Variants in HCN1 observed in about 807,000 individuals in gnomAD.
The protein encoded by HCN1 is potassium/sodium hyperpolarization-activated cyclic nucleotide-gated channel 1.
In HCN1, 13 loss-of-function variants were observed where a neutral mutation model predicts 78.9. That is an observed-to-expected ratio of 0.16 (90% confidence interval 0.11 to 0.26). HCN1 has a LOEUF of 0.26. Ranked by LOEUF, HCN1 falls within the 10% of genes least tolerant of loss-of-function variation. The probability of loss-of-function intolerance (pLI) is 1.00; values close to 1 mark genes in which losing one functional copy is unlikely to be tolerated. For synonymous variants in HCN1, 552 were observed against 455.5 expected (o/e 1.21, Z -2.70); for missense variants, 810 against 1,154.3 (o/e 0.70, Z 4.32).
At chr5:45,414,072 A>G (rs1199543267) in intron 3 of HCN1, among the ~76,000 whole-genome samples, 2 of 151,962 alleles carry the variant, frequency 1.3e-5, no homozygotes, top group Non-Finnish European at 2.9e-5. Flanking sequence ...AAAAAGAACA[A>G]CAGTTTCAGA....
intron 2 of HCN1, among the ~76,000 whole-genome samples, chr5:45,495,075 C>T (rs1330075743): frequency 3.5e-5 from 5 of 143,730 alleles, no homozygotes; most frequent in South Asian, 2.4e-4. Flanking sequence ...ATTGACTTGG[C>T]GATGAGGGCT....
At chr5:45,689,304 A>G (rs1014549994) in intron 1 of HCN1, among the ~76,000 whole-genome samples, 2 of 151,356 alleles carry the variant, frequency 1.3e-5, no homozygotes, top group Non-Finnish European at 3.0e-5. Flanking sequence ...AAAGTTGAAG[A>G]AAAAAAAATG....
chr5:45,545,515 C>A (rs891043766), intron 2 of HCN1, among the ~76,000 whole-genome samples: 6 of 152,054 alleles, frequency 3.9e-5, no homozygotes, highest in African/African-American at 1.4e-4. Flanking sequence ...GTCATGAAGT[C>A]CTTGCCCATG....
chr5:45,290,126 T>C (rs1561090488), intron 6 of HCN1, among the ~76,000 whole-genome samples: 1 of 151,936 alleles, frequency 6.6e-6, no homozygotes, highest in African/African-American at 2.4e-5. Flanking sequence ...AAAGGGCAGT[T>C]CCCCTGCACA....
At chr5:45,366,348 C>T (rs1315191373) in intron 4 of HCN1, among the ~76,000 whole-genome samples, 1 of 151,634 alleles carries the variant, frequency 6.6e-6, no homozygotes, top group Non-Finnish European at 1.5e-5. Flanking sequence ...TAATATATTC[C>T]TAATGTCCTT....
chr5:45,472,117 T>A (rs985041529), intron 2 of HCN1, among the ~76,000 whole-genome samples: 1 of 151,918 alleles, frequency 6.6e-6, no homozygotes, highest in Non-Finnish European at 1.5e-5. Flanking sequence ...GTTCTGTAGG[T>A]ATTCCAAGCT....
chr5:45,563,322 G>T (rs1238739566), intron 2 of HCN1, among the ~76,000 whole-genome samples: 1 of 151,886 alleles, frequency 6.6e-6, no homozygotes, highest in Admixed American at 6.6e-5. Flanking sequence ...TGTGGTGGCG[G>T]GTGCCTGTAA....
At chr5:45,564,351 C>T (rs973660235) in intron 2 of HCN1, among the ~76,000 whole-genome samples, 3 of 151,872 alleles carry the variant, frequency 2.0e-5, no homozygotes, top group African/African-American at 7.3e-5. Context: ...AGCTCCACCT[C>T]CTGTGTTCAC....
chr5:45,611,276 T>C (rs896123321), intron 2 of HCN1, among the ~76,000 whole-genome samples: 10 of 142,696 alleles, frequency 7.0e-5, no homozygotes, highest in African/African-American at 2.3e-4. Flanking sequence ...TTTCTTTTTT[T>C]TTTTTTTTTT....
chr5:45,512,684 C>T (rs1742438675), intron 2 of HCN1, among the ~76,000 whole-genome samples: 1 of 151,938 alleles, frequency 6.6e-6, no homozygotes, highest in Admixed American at 6.6e-5. Flanking sequence ...CACTGAATTC[C>T]ACAGTAGCCA....
chr5:45,533,767 A>G (rs1742907300), intron 2 of HCN1, among the ~76,000 whole-genome samples: 1 of 152,174 alleles, frequency 6.6e-6, no homozygotes. Flanking sequence ...GCTGAGCTGG[A>G]GTTCAGTTTT....
chr5:45,348,720 A>G (rs896718521), intron 5 of HCN1, among the ~76,000 whole-genome samples: 6 of 152,198 alleles, frequency 3.9e-5, no homozygotes, highest in African/African-American at 1.2e-4. Context: ...AAGGGTTGCA[A>G]TCCTAGTCTC....
intron 2 of HCN1, among the ~76,000 whole-genome samples, chr5:45,526,754 A>T (rs1412563667): frequency 6.6e-6 from 1 of 152,008 alleles, no homozygotes. Context: ...CTGTACTGCC[A>T]ATCCACTTGA....
chr5:45,372,171 T>TATGA (rs1359244880), intron 4 of HCN1, among the ~76,000 whole-genome samples: 2 of 60,954 alleles, frequency 3.3e-5, no homozygotes, highest in African/African-American at 2.0e-4. Context: ...TTATATATAA[T>TATGA]TATATTATAA....
rs113908701 is a variant in HCN1, at chr5:45,383,466, C to T, written c.1230+13026G>A. On this transcript the variant is annotated intron_variant, in intron 4 of 7. Transcript: ENST00000303230. ...ATCCCAGAATTTTGGGAGGCCGAGG[C>T]GGACGAATCACCTGAGGTCAAGAGT... Among the ~76,000 whole-genome samples the T allele has an allele frequency of 3.9e-5, 6 of 152,194 alleles. 1 individual carries two copies. Among genetic ancestry groups the T allele is most frequent in the East Asian group, 3.9e-4 (2 of 5,168 alleles).
At chr5:45,576,139 G>C (rs968982879) in intron 2 of HCN1, 2 of 152,036 alleles carry the variant, frequency 1.3e-5, no homozygotes, top group Non-Finnish European at 2.9e-5. Flanking sequence ...AGATGTGTTG[G>C]AAATAATAAA....
At chr5:45,487,149 A>C (rs1381126234) in intron 2 of HCN1, among the ~76,000 whole-genome samples, 2 of 152,128 alleles carry the variant, frequency 1.3e-5, no homozygotes, top group Non-Finnish European at 2.9e-5. Context: ...TCTGAAACAG[A>C]AATGTCAGTA....
chr5:45,498,956 G>A (rs1742122536), intron 2 of HCN1, among the ~76,000 whole-genome samples: 1 of 152,166 alleles, frequency 6.6e-6, no homozygotes, highest in South Asian at 2.1e-4. Context: ...ATCTCCAGCT[G>A]CGTGCTGGGA....
At chr5:45,494,579 T>C (rs1286832877) in intron 2 of HCN1, among the ~76,000 whole-genome samples, 2 of 152,054 alleles carry the variant, frequency 1.3e-5, no homozygotes, top group Non-Finnish European at 2.9e-5. Flanking sequence ...TAGTTTCTTT[T>C]GCTGTGCAGA....
Sources: allele counts gnomAD v4.1 joint callset (sites outside exome capture counted in the v4.1 genomes callset), GRCh38; gene constraint gnomAD v4.1.1; transcripts MANE v1.5; gene names NCBI Gene and HGNC (gene_info 2026-07-23, HGNC 2026-07-21).